The following AGBL4 variants were observed in gnomAD, a reference collection of about 807,000 sequenced individuals.
AGBL4 encodes cytosolic carboxypeptidase 6.
In AGBL4, 58 loss-of-function variants were observed where a neutral mutation model predicts 66.4. The observed-to-expected ratio is 0.87, with a 90% CI of 0.71 to 1.09. The LOEUF is 1.09. Among genes scored for constraint, AGBL4 ranks in the 50% least tolerant of loss-of-function variants. The pLI is 0.00. For synonymous variants in AGBL4, 234 were observed against 222.9 expected, an observed-to-expected ratio of 1.05 and a Z score of -0.44; for missense variants, 579 against 631.0, an observed-to-expected ratio of 0.92 and a Z score of 0.88.
chr1:48,838,501 T>C (rs892902795), intron 6 of AGBL4, among the ~76,000 whole-genome samples: 20 of 152,166 alleles, frequency 1.3e-4, no homozygotes, highest in Admixed American at 1.3e-3. Flanking sequence ...AGAATAAAAC[T>C]AGACCCCTAT....
At chr1:48,809,946 A>G (rs1471663975) in intron 6 of AGBL4, among the ~76,000 whole-genome samples, 1 of 152,108 alleles carries the variant, frequency 6.6e-6, no homozygotes, top group Admixed American at 6.6e-5. Flanking sequence ...TTAGGGTGGT[A>G]TAAGAGCTAA....
intron 3 of AGBL4, among the ~76,000 whole-genome samples, chr1:49,561,092 T>G (rs749292238): frequency 5.5e-4 from 84 of 151,988 alleles, no homozygotes; most frequent in Non-Finnish European, 1.1e-3. Flanking sequence ...TGTAAACTAC[T>G]CTCACTCATA....
intron 5 of AGBL4, among the ~76,000 whole-genome samples, chr1:49,029,637 A>G (rs1014072084): frequency 6.6e-6 from 1 of 152,192 alleles, no homozygotes; most frequent in South Asian, 2.1e-4. Flanking sequence ...TGCAATAACT[A>G]TCAAAATCTC....
intron 5 of AGBL4, among the ~76,000 whole-genome samples, chr1:48,904,333 T>A (rs751588290): frequency 1.3e-5 from 2 of 152,168 alleles, no homozygotes; most frequent in African/African-American, 2.4e-5. Context: ...TTAGTTAACT[T>A]ATCTATGAAA....
intron 3 of AGBL4, among the ~76,000 whole-genome samples, chr1:49,671,350 C>T (rs1317951423): frequency 6.6e-6 from 1 of 152,128 alleles, no homozygotes; most frequent in Non-Finnish European, 1.5e-5. Context: ...GCATTAAAGA[C>T]TTAGATGTAA....
At chr1:48,591,800 T>A (rs1222868508) in intron 9 of AGBL4, among the ~76,000 whole-genome samples, 2 of 152,204 alleles carry the variant, frequency 1.3e-5, no homozygotes, top group African/African-American at 4.8e-5. Flanking sequence ...CCAGTCTACC[T>A]CTGCTCTTTA....
rs1202734019 is a variant in AGBL4 at position 49,085,216 on chromosome 1, G to C, written c.378-39416C>G. On this transcript the variant is annotated intron_variant, in intron 4 of 13. Transcript: ENST00000371839. The stretch of plus-strand genomic sequence containing the variant: ...GAAACATCCATCTCCTCCTGCCTTG[G>C]ACATTGACATTCCTGGTTCTTAGCT... Among the ~76,000 whole-genome samples the C allele has an allele frequency of 5.9e-5, 9 of 152,050 alleles. No individual in the cohort carries two copies. In the South Asian group the frequency reaches 1.9e-3, roughly 32 times the overall value.
At chr1:49,187,464 C>A (rs1412210052) in intron 4 of AGBL4, 1 of 152,128 alleles carries the variant, frequency 6.6e-6, no homozygotes, top group Non-Finnish European at 1.5e-5. Flanking sequence ...CGGAGACACA[C>A]AACCATCTAT....
chr1:49,190,020 T>G (rs923511925), intron 4 of AGBL4, among the ~76,000 whole-genome samples: 1 of 152,228 alleles, frequency 6.6e-6, no homozygotes, highest in African/African-American at 2.4e-5. Flanking sequence ...AGCTGTGGCA[T>G]ATTGCATGTG....
At chr1:49,332,304 A>T (rs1048962035) in intron 3 of AGBL4, among the ~76,000 whole-genome samples, 1 of 152,190 alleles carries the variant, frequency 6.6e-6, no homozygotes, top group Admixed American at 6.5e-5. Flanking sequence ...AGAAATAGGA[A>T]ACCTGAATAA....
At chr1:49,719,608 G>A (rs74213658) in intron 2 of AGBL4, among the ~76,000 whole-genome samples, 2 of 152,062 alleles carry the variant, frequency 1.3e-5, no homozygotes, top group East Asian at 3.9e-4. Context: ...AACAAGCAAT[G>A]CAGAACTGTC....
chr1:49,062,533 A>G (rs1206957563), intron 4 of AGBL4, among the ~76,000 whole-genome samples: 1 of 152,222 alleles, frequency 6.6e-6, no homozygotes, highest in Non-Finnish European at 1.5e-5. Context: ...GAATGCATGA[A>G]TGAGAGTGTT....
intron 3 of AGBL4, among the ~76,000 whole-genome samples, chr1:49,255,115 T>C (rs1652373827): frequency 6.6e-6 from 1 of 152,156 alleles, no homozygotes; most frequent in African/African-American, 2.4e-5. Context: ...AAAGATTTCA[T>C]GACAAAGATG....
chr1:49,880,313 T>C (rs1232058352), intron 1 of AGBL4, among the ~76,000 whole-genome samples: 1 of 151,912 alleles, frequency 6.6e-6, no homozygotes, highest in Admixed American at 6.6e-5. Flanking sequence ...TGGTCTTTGA[T>C]GATGGTGATG....
chr1:48,541,980 A>C (rs766471885), intron 11 of AGBL4, among the ~76,000 whole-genome samples: 1 of 151,956 alleles, frequency 6.6e-6, no homozygotes, highest in Non-Finnish European at 1.5e-5. Context: ...TCCTAATGCT[A>C]TCCCTCCCCT....
chr1:49,763,484 C>A (rs1420235952), intron 2 of AGBL4, among the ~76,000 whole-genome samples: 2 of 152,130 alleles, frequency 1.3e-5, no homozygotes, highest in African/African-American at 4.8e-5. Context: ...AATACTAGTT[C>A]TTCAAGATGA....
At chr1:49,474,268 T>C (rs1646805409) in intron 3 of AGBL4, among the ~76,000 whole-genome samples, 1 of 152,120 alleles carries the variant, frequency 6.6e-6, no homozygotes, top group Non-Finnish European at 1.5e-5. Flanking sequence ...GTATGTGGAA[T>C]GTTTTTCCAT....
intron 2 of AGBL4, chr1:49,846,476 T>C (rs1646146165): frequency 1.8e-6 from 2 of 1,094,448 alleles, no homozygotes; most frequent in African/African-American, 3.2e-5. Flanking sequence ...GACCCAATCA[T>C]ACACATGAGA....
chr1:49,958,952 A>G (rs1254358878), intron 1 of AGBL4, among the ~76,000 whole-genome samples: 1 of 151,858 alleles, frequency 6.6e-6, no homozygotes, highest in Non-Finnish European at 1.5e-5. Context: ...GGGAGGCACT[A>G]AAGACCAAAT....
Sources: allele counts gnomAD v4.1 joint callset (sites outside exome capture counted in the v4.1 genomes callset), GRCh38; gene constraint gnomAD v4.1.1; transcripts MANE v1.5; gene names NCBI Gene and HGNC (gene_info 2026-07-23, HGNC 2026-07-21).